The following DNAH12 variants were observed in gnomAD, a reference collection of about 807,000 sequenced individuals.
The protein encoded by DNAH12 is dynein axonemal heavy chain 12.
Under a neutral mutation model 371.5 loss-of-function variants are expected in DNAH12, and 285 were observed. That is an observed-to-expected ratio of 0.77 (90% CI 0.70 to 0.85). The LOEUF is 0.85. DNAH12 is among the 40% of genes least tolerant of loss of function. The pLI is 0.00. For missense variants in DNAH12, 3,611 were observed against 3,689.4 expected, an observed-to-expected ratio of 0.98 and a Z score of 0.55; for synonymous variants, 1,200 against 1,213.0, an observed-to-expected ratio of 0.99 and a Z score of 0.22.
chr3:57,356,397 T>A (rs2062800407), intron 59 of DNAH12, among the ~76,000 whole-genome samples: 1 of 151,716 alleles, frequency 6.6e-6, no homozygotes, highest in South Asian at 2.1e-4. Flanking sequence ...GAGCTGTGAT[T>A]GTGCCACTGC....
At chr3:57,365,060 A>T (rs1404273367) in intron 57 of DNAH12, among the ~76,000 whole-genome samples, 1 of 152,238 alleles carries the variant, frequency 6.6e-6, no homozygotes, top group Non-Finnish European at 1.5e-5. Flanking sequence ...GTGATTCCTC[A>T]AAGACCTAGA....
chr3:57,452,914 C>A lies in DNAH12; in HGVS notation c.3715G>T (p.Ala1239Ser), dbSNP rs1364986461. 6.4e-7 allele frequency: 1 copy of A among 1,551,196 alleles called. No homozygotes were observed. Among genetic ancestry groups the A allele is most frequent in the East Asian group, 2.4e-5 (1 of 40,890 alleles). ...VRIINCNVKY[A>S]YEYLGNSPRL... Reference sequence around the variant, plus strand: ...GGTGAGTTACCAAGATATTCATAAGCATATTTTACATTGCAATTAATGATA... The same window carrying A: ...GGTGAGTTACCAAGATATTCATAAGAATATTTTACATTGCAATTAATGATA... Residue 1239 changes from alanine to serine, a missense_variant, in exon 25 of 74, where the codon GCT becomes TCT. By Grantham distance (99) the Ala-to-Ser change is moderately conservative. Transcript: ENST00000495027.
intron 60 of DNAH12, among the ~76,000 whole-genome samples, chr3:57,339,348 C>G (rs1252093605): frequency 6.7e-6 from 1 of 150,062 alleles, no homozygotes; most frequent in Non-Finnish European, 1.5e-5. Context: ...ATCCCCCTCT[C>G]CGAGAAACAC....
At position 57,403,521 on chromosome 3, in the gene DNAH12, T is replaced by G. The variant is rs1559619767; in HGVS notation, c.6756-20A>C. 2.6e-6 allele frequency: 4 copies of G among 1,529,402 alleles called. No individual in the cohort carries two copies. The highest frequency in any genetic ancestry group is 2.5e-5 in the South Asian group (2 of 80,676). 94.7% of individuals were successfully genotyped at this position (1,529,402 alleles called of 1,614,324 possible). ...ACATACCTACCACAAAAGAAAAATT[T>G]TATTAATGCATTACAATATAAATGT... On this transcript the variant is annotated intron_variant, in intron 42 of 73. Coordinates refer to ENST00000495027, the MANE Select transcript of DNAH12 (RefSeq NM_001366028.2).
chr3:57,317,340 G>A (rs903087637), intron 65 of DNAH12, among the ~76,000 whole-genome samples: 1 of 152,006 alleles, frequency 6.6e-6, no homozygotes, highest in Non-Finnish European at 1.5e-5. Context: ...TATTCACCTT[G>A]CATAATTGAG....
chr3:57,419,616 A>G, intron 36 of DNAH12, 98 bp from the exon 37 acceptor site: 1 of 863,688 alleles, frequency 1.2e-6, no homozygotes. Flanking sequence ...GCTTTTAAAA[A>G]CTTAAGTCTT....
chr3:57,428,775 T>C lies in DNAH12; in HGVS notation c.5111A>G (p.Gln1704Arg). The C allele has an allele frequency of 6.5e-7, 1 of 1,549,876 alleles. No individual in the cohort carries two copies. The highest frequency in any genetic ancestry group is 8.7e-7 in the Non-Finnish European group (1 of 1,146,584). ...AGACACAAGTGGTTCCCATCCTAAC[T>C]GTGAAGGCTCCAAATAAATCATACC... ...RCGMIYLEPS[Q>R]LGWEPLVSSW... Residue 1704 changes from glutamine (Q) to arginine (R), a missense_variant, in exon 34 of 74, where the codon CAG (glutamine) becomes CGG (arginine). Coordinates refer to ENST00000495027, the MANE Select transcript of DNAH12 (RefSeq NM_001366028.2).
At chr3:57,358,898 C>T (rs1332033039) in intron 58 of DNAH12, among the ~76,000 whole-genome samples, 20 of 152,298 alleles carry the variant, frequency 1.3e-4, no homozygotes, top group African/African-American at 4.6e-4. Flanking sequence ...GATTCTCCTG[C>T]CTCAGCCTCC....
chr3:57,329,665 G>A lies in DNAH12; in HGVS notation c.9978+4800C>T, dbSNP rs555674549. Among the ~76,000 whole-genome samples the A allele has an allele frequency of 1.1e-4, 17 of 148,398 alleles. No homozygotes were observed. In the South Asian group the frequency reaches 3.8e-3, roughly 33 times the overall value. On this transcript the variant is annotated intron_variant, in intron 62 of 73. Coordinates refer to ENST00000495027, the MANE Select transcript of DNAH12 (RefSeq NM_001366028.2). ...ACATAGGCATGGTCAAGGACTTCAT[G>A]TCTAAAACACCAAAAACAATGGCAA...
intron 69 of DNAH12, among the ~76,000 whole-genome samples, chr3:57,302,148 T>C (rs988721799): frequency 2.0e-5 from 3 of 152,152 alleles, no homozygotes; most frequent in African/African-American, 7.2e-5. Flanking sequence ...TTTTAAAATA[T>C]AGAAAGTAAT....
the DNAH12 span, among the ~76,000 whole-genome samples, chr3:57,549,703 G>A: frequency 2.6e-5 from 4 of 151,864 alleles, no homozygotes; most frequent in African/African-American, 4.8e-5. Context: ...AGCTCACTGC[G>A]ACTTCAGCCT....
chr3:57,406,944 G>T (rs191380285), intron 40 of DNAH12, among the ~76,000 whole-genome samples: 1 of 151,916 alleles, frequency 6.6e-6, no homozygotes, highest in Non-Finnish European at 1.5e-5. Flanking sequence ...CTGTCGCCCC[G>T]CTGGAGTGCA....
chr3:57,446,185 G>C lies in DNAH12; in HGVS notation c.4025C>G (p.Ala1342Gly). ...TCTCTGAATGCAAAGGATCTGTTGA[G>C]CTACCACTGACAACACTTCCAACTC... ...RIELEVLSVV[A>G]QQILCIQRAI... The change falls in exon 27 of 74, where the codon GCT becomes GGT. Residue 1342 changes from alanine (A) to glycine (G), a missense_variant. Physicochemically the swap from Ala to Gly is moderately conservative, Grantham distance 60 (BLOSUM62 0). Around this residue, in one of 3 missense-constraint regions of DNAH12, gnomAD observed 2,266 missense variants for 2,236.9 expected, o/e 1.01. Transcript: ENST00000495027. 1 of 1,551,652 alleles carries C rather than the reference G, an allele frequency of 6.4e-7. No homozygotes were observed. Among genetic ancestry groups the C allele is most frequent in the Non-Finnish European group, 8.7e-7 (1 of 1,146,980 alleles).
intron 13 of DNAH12, among the ~76,000 whole-genome samples, chr3:57,481,760 A>T (rs879775496): frequency 6.6e-6 from 1 of 151,978 alleles, no homozygotes; most frequent in Non-Finnish European, 1.5e-5. Context: ...CCTCAGAAAT[A>T]ATGCCGCATA....
At chr3:57,347,164 G>A (rs2062562526) in intron 60 of DNAH12, among the ~76,000 whole-genome samples, 1 of 152,086 alleles carries the variant, frequency 6.6e-6, no homozygotes, top group African/African-American at 2.4e-5. Flanking sequence ...TTATAAGAAA[G>A]GAAAACTACA....
intron 33 of DNAH12, 123 bp downstream of exon 33, chr3:57,429,568 C>T: frequency 1.2e-6 from 1 of 849,712 alleles, no homozygotes; most frequent in South Asian, 1.8e-5. Context: ...TACACTGTGT[C>T]TTATTCATCT....
intron 30 of DNAH12, among the ~76,000 whole-genome samples, chr3:57,436,407 T>C (rs534939415): frequency 1.3e-5 from 2 of 152,258 alleles, no homozygotes; most frequent in African/African-American, 4.8e-5. Context: ...GGCCCTCACA[T>C]GACCAGCTGG....
chr3:57,354,132 A>G (rs930197577), intron 59 of DNAH12, among the ~76,000 whole-genome samples: 24 of 152,228 alleles, frequency 1.6e-4, no homozygotes, highest in Non-Finnish European at 3.2e-4. Context: ...ATGCCTGTCA[A>G]TCGTAGACTA....
At chr3:57,360,440 G>C (rs934031111) in intron 58 of DNAH12, among the ~76,000 whole-genome samples, 1 of 152,148 alleles carries the variant, frequency 6.6e-6, no homozygotes, top group African/African-American at 2.4e-5. Flanking sequence ...TGTAATCCCA[G>C]CACTTCGAGA....
Sources: allele counts gnomAD v4.1 joint callset (sites outside exome capture counted in the v4.1 genomes callset), GRCh38; gene constraint gnomAD v4.1.1; regional missense constraint gnomAD v4.1.1; transcripts MANE v1.5; gene names NCBI Gene and HGNC (gene_info 2026-07-23, HGNC 2026-07-21).